Variants in STK32C observed in about 807,000 individuals in gnomAD.
STK32C encodes serine/threonine-protein kinase 32C.
Under a neutral mutation model 56.5 loss-of-function variants are expected in STK32C, and 31 were observed. The observed-to-expected ratio is 0.55, with a 90% CI of 0.41 to 0.74. The LOEUF (loss-of-function observed/expected upper bound fraction) is 0.74. Among genes scored for constraint, STK32C ranks in the 30% least tolerant of loss-of-function variants. The pLI is 0.00. For missense variants in STK32C, 544 were observed against 676.9 expected (o/e 0.80, Z 2.18); for synonymous variants, 309 against 289.4 (o/e 1.07, Z -0.69).
chr10:132,210,478 C>T (rs1277399140), intron 10 of STK32C, among the ~76,000 whole-genome samples: 4 of 152,216 alleles, frequency 2.6e-5, no homozygotes, highest in Non-Finnish European at 1.5e-5. Context: ...GAACTCCTGA[C>T]CTCAGGTGCT....
chr10:132,213,480 T>G (rs2062378471), intron 10 of STK32C, among the ~76,000 whole-genome samples: 1 of 152,260 alleles, frequency 6.6e-6, no homozygotes, highest in Non-Finnish European at 1.5e-5. Flanking sequence ...GTGAAGCCTC[T>G]GGTGCCCACA....
chr10:132,274,878 C>T (rs1345648074), intron 1 of STK32C, among the ~76,000 whole-genome samples: 1 of 152,220 alleles, frequency 6.6e-6, no homozygotes, highest in Non-Finnish European at 1.5e-5. Flanking sequence ...TCCCAGGACT[C>T]CTTCAGTGAG....
chr10:132,231,625 C>G (rs898514870), intron 2 of STK32C, among the ~76,000 whole-genome samples: 1 of 152,194 alleles, frequency 6.6e-6, no homozygotes, highest in Non-Finnish European at 1.5e-5. Context: ...TGGCCTTATT[C>G]GGAATAAAGG....
intron 1 of STK32C, among the ~76,000 whole-genome samples, chr10:132,282,410 C>T (rs900527535): frequency 2.6e-5 from 4 of 152,164 alleles, no homozygotes; most frequent in African/African-American, 9.7e-5. Flanking sequence ...TGCCAGGCGT[C>T]AGCTACCCAC....
At chr10:132,308,670 C>G (rs1203730249), upstream of STK32C, among the ~76,000 whole-genome samples, 1 of 152,098 alleles carries the variant, frequency 6.6e-6, no homozygotes, top group Non-Finnish European at 1.5e-5. Flanking sequence ...CTCGGGCACC[C>G]CCGTGCCATC....
chr10:132,233,690 ACCC>A (rs1300268840), intron 2 of STK32C, among the ~76,000 whole-genome samples: 17 of 152,036 alleles, frequency 1.1e-4, no homozygotes, highest in Admixed American at 2.0e-4. Context: ...GAGGCTGGGA[ACCC>A]CCCATGCCCT....
At chr10:132,304,961 C>T (rs993729758) in intron 1 of STK32C, among the ~76,000 whole-genome samples, 2 of 152,206 alleles carry the variant, frequency 1.3e-5, no homozygotes, top group Non-Finnish European at 2.9e-5. Flanking sequence ...GAGCGCCCCC[C>T]AGGTTGCAGA....
At chr10:132,238,416 C>T (rs2063372743) in intron 2 of STK32C, among the ~76,000 whole-genome samples, 1 of 152,180 alleles carries the variant, frequency 6.6e-6, no homozygotes, top group African/African-American at 2.4e-5. Flanking sequence ...ACCAGGGTCT[C>T]GGAGGCAGAC....
intron 5 of STK32C, 60 bp downstream of exon 5, chr10:132,225,687 C>T: frequency 6.2e-7 from 1 of 1,611,684 alleles, no homozygotes; most frequent in Admixed American, 1.7e-5. Flanking sequence ...GATCCTCCTC[C>T]CCTGACAGGC....
At chr10:132,289,548 G>T (rs944825049) in intron 1 of STK32C, among the ~76,000 whole-genome samples, 17 of 152,222 alleles carry the variant, frequency 1.1e-4, no homozygotes, top group African/African-American at 3.9e-4. Context: ...TACTATAACA[G>T]ATTGCCATAG....
chr10:132,295,660 C>T (rs946941734), intron 1 of STK32C, among the ~76,000 whole-genome samples: 5 of 152,062 alleles, frequency 3.3e-5, no homozygotes, highest in South Asian at 4.2e-4. Flanking sequence ...CCGAGGAGGG[C>T]GGATCACGAG....
At chr10:132,283,544 C>T (rs1251577502) in intron 1 of STK32C, among the ~76,000 whole-genome samples, 4 of 152,204 alleles carry the variant, frequency 2.6e-5, no homozygotes, top group Non-Finnish European at 5.9e-5. Flanking sequence ...AGATTCCCTC[C>T]AGGCCGCCCA....
intron 7 of STK32C, among the ~76,000 whole-genome samples, chr10:132,224,893 T>G (rs1370976510): frequency 6.6e-6 from 1 of 152,106 alleles, no homozygotes; most frequent in Non-Finnish European, 1.5e-5. Flanking sequence ...GGCCTCGCCG[T>G]GGCCACAAGG....
At chr10:132,313,253 G>T (rs1482953499) in intron 1 of STK32C, among the ~76,000 whole-genome samples, 5 of 152,188 alleles carry the variant, frequency 3.3e-5, no homozygotes, top group African/African-American at 1.2e-4. Context: ...GCCATGCCGA[G>T]TGACGGTTAA....
Position 132,292,437 on chromosome 10 carries a change from C to T in STK32C, c.262+15135G>A, listed in dbSNP as rs183021798. 1.1e-4 allele frequency among the ~76,000 whole-genome samples: 17 copies of T among 152,354 alleles called. 1 individual carries two copies. The highest frequency in any genetic ancestry group is 3.9e-4 in the East Asian group (2 of 5,182). On this transcript the variant is annotated intron_variant, in intron 1 of 11. Transcript: ENST00000298630. ...ACACACTCATCCACACTCAGTCTGA[C>T]GGATTCATCCACACACTCATACACA...
chr10:132,225,162 C>G (rs969959979), intron 7 of STK32C, 71 bp downstream of exon 7: 1 of 1,309,462 alleles, frequency 7.6e-7, no homozygotes, highest in African/African-American at 1.5e-5. Flanking sequence ...CAGCCACCCC[C>G]TCCCCAGCAC....
At chr10:132,328,241 G>C (rs1192689667) in intron 1 of STK32C, among the ~76,000 whole-genome samples, 1 of 152,118 alleles carries the variant, frequency 6.6e-6, no homozygotes, top group Non-Finnish European at 1.5e-5. Context: ...GAGGAGTGCT[G>C]ATTGGTCAGG....
chr10:132,273,530 A>C (rs534617914), intron 1 of STK32C, among the ~76,000 whole-genome samples: 1 of 152,214 alleles, frequency 6.6e-6, no homozygotes, highest in East Asian at 1.9e-4. Flanking sequence ...ATGGGGAGTT[A>C]GCAAATGAGT....
intron 8 of STK32C, 109 bp from the exon 9 acceptor site, chr10:132,223,095 G>A (rs2137674170): frequency 7.2e-7 from 1 of 1,394,018 alleles, no homozygotes; most frequent in Non-Finnish European, 9.5e-7. Context: ...CAAGCCTGAG[G>A]TTCAGAATTC....
Sources: allele counts gnomAD v4.1 joint callset (sites outside exome capture counted in the v4.1 genomes callset), GRCh38; gene constraint gnomAD v4.1.1; transcripts MANE v1.5; gene names NCBI Gene and HGNC (gene_info 2026-07-23, HGNC 2026-07-21).